CTNNA2: variants seen among roughly 807,000 people sequenced by gnomAD.
The protein encoded by CTNNA2 is catenin alpha-2.
A neutral mutation model predicts 101.0 loss-of-function variants in CTNNA2; 42 were observed. The observed-to-expected ratio is 0.42, with a 90% CI of 0.32 to 0.54. CTNNA2 has a LOEUF of 0.54. Among genes scored for constraint, CTNNA2 ranks in the 20% least tolerant of loss-of-function variants. CTNNA2 has a pLI of 0.14. For missense variants in CTNNA2, 871 were observed against 1,223.1 expected, an observed-to-expected ratio of 0.71 and a Z score of 4.29; for synonymous variants, 450 against 456.4, an observed-to-expected ratio of 0.99 and a Z score of 0.18.
intron 9 of CTNNA2, among the ~76,000 whole-genome samples, chr2:80,527,845 C>T (rs1690171929): frequency 6.6e-6 from 1 of 152,302 alleles, no homozygotes; most frequent in South Asian, 2.1e-4. Flanking sequence ...GACAGTTCTC[C>T]ACCAGGGCTG....
chr2:79,845,515 C>T (rs753174135), intron 3 of CTNNA2, among the ~76,000 whole-genome samples: 21 of 152,136 alleles, frequency 1.4e-4, no homozygotes, highest in Admixed American at 3.9e-4. Context: ...TCCCAAATTT[C>T]CCTCACCCTT....
intron 9 of CTNNA2, among the ~76,000 whole-genome samples, chr2:80,538,900 T>G (rs1444301909): frequency 6.6e-6 from 1 of 152,232 alleles, no homozygotes; most frequent in Non-Finnish European, 1.5e-5. Context: ...TCTTATTTCC[T>G]TGAGCAGTGG....
At chr2:79,870,243 A>G (rs552664905) in intron 5 of CTNNA2, among the ~76,000 whole-genome samples, 43 of 152,286 alleles carry the variant, frequency 2.8e-4, no homozygotes, top group South Asian at 1.0e-3. Context: ...CAAATAAAAA[A>G]TATTAAACTG....
At chr2:80,212,465 A>G (rs1300748079) in intron 7 of CTNNA2, among the ~76,000 whole-genome samples, 1 of 152,144 alleles carries the variant, frequency 6.6e-6, no homozygotes, top group East Asian at 1.9e-4. Context: ...TTCTGCATCT[A>G]TTGAGATAAT....
intron 7 of CTNNA2, among the ~76,000 whole-genome samples, chr2:79,989,444 G>GGCTAAC (rs1692009549): frequency 6.6e-6 from 1 of 152,002 alleles, no homozygotes; most frequent in South Asian, 2.1e-4. Flanking sequence ...GCAACATGGT[G>GGCTAAC]AAAATCCCGT....
At chr2:79,736,344 C>T (rs185009783) in intron 2 of CTNNA2, among the ~76,000 whole-genome samples, 5 of 152,232 alleles carry the variant, frequency 3.3e-5, no homozygotes, top group Admixed American at 1.3e-4. Context: ...TCTATCATTG[C>T]TAAAGGAATA....
At chr2:79,797,670 A>AG (rs1310827304) in intron 3 of CTNNA2, among the ~76,000 whole-genome samples, 1 of 151,188 alleles carries the variant, frequency 6.6e-6, no homozygotes, top group African/African-American at 2.4e-5. Context: ...TAAAAAAAAA[A>AG]AAAAAAAAAT....
intron 9 of CTNNA2, among the ~76,000 whole-genome samples, chr2:80,447,026 G>A (rs536410099): frequency 6.6e-6 from 1 of 152,170 alleles, no homozygotes; most frequent in South Asian, 2.1e-4. Flanking sequence ...TGAGAATTAT[G>A]ACCACCATGA....
At chr2:79,503,128 A>G (rs1671339115) in intron 4 of CTNNA2, among the ~76,000 whole-genome samples, 1 of 152,086 alleles carries the variant, frequency 6.6e-6, no homozygotes, top group Admixed American at 6.5e-5. Context: ...TATTTTGGGT[A>G]TTTCATCTGC....
chr2:79,727,708 C>T (rs1174181662), intron 2 of CTNNA2, among the ~76,000 whole-genome samples: 1 of 145,582 alleles, frequency 6.9e-6, no homozygotes, highest in Non-Finnish European at 1.5e-5. Context: ...GGTATATCTC[C>T]TAAAGCTATC....
At chr2:79,312,385 T>C (rs1488290156) in intron 2 of CTNNA2, among the ~76,000 whole-genome samples, 1 of 152,222 alleles carries the variant, frequency 6.6e-6, no homozygotes, top group African/African-American at 2.4e-5. Context: ...TAAAATCTTC[T>C]TCTTGACCCT....
At chr2:79,975,497 G>C (rs978368342) in intron 7 of CTNNA2, among the ~76,000 whole-genome samples, 4 of 152,032 alleles carry the variant, frequency 2.6e-5, no homozygotes, top group Admixed American at 2.0e-4. Context: ...TAGAGGTAGT[G>C]TCAGATCCTA....
intron 3 of CTNNA2, among the ~76,000 whole-genome samples, chr2:79,341,382 T>C (rs565192488): frequency 1.3e-5 from 2 of 152,318 alleles, no homozygotes; most frequent in East Asian, 3.9e-4. Flanking sequence ...ATAGGACCAG[T>C]CTCTGAACTT....
chr2:79,222,685 C>T, intron 2 of CTNNA2, among the ~76,000 whole-genome samples: 1 of 150,134 alleles, frequency 6.7e-6, no homozygotes, highest in East Asian at 1.9e-4. Context: ...TTCCTTTATT[C>T]TCTCTCTCTC....
intron 4 of CTNNA2, among the ~76,000 whole-genome samples, chr2:79,493,360 G>C (rs927860142): frequency 1.3e-5 from 2 of 152,194 alleles, no homozygotes; most frequent in Admixed American, 6.5e-5. Flanking sequence ...GACTGTGCCT[G>C]TAATCCCAGC....
intron 2 of CTNNA2, among the ~76,000 whole-genome samples, chr2:79,264,889 T>C (rs1481384535): frequency 6.6e-6 from 1 of 152,166 alleles, no homozygotes; most frequent in African/African-American, 2.4e-5. Context: ...CTAATAGCTT[T>C]ACATTCGAGA....
intron 1 of CTNNA2, among the ~76,000 whole-genome samples, chr2:79,561,821 T>A (rs1573350215): frequency 6.6e-6 from 1 of 152,094 alleles, no homozygotes; most frequent in South Asian, 2.1e-4. Flanking sequence ...CTTTTTATTA[T>A]TGAGTTATAA....
chr2:79,411,312 CTGATT>C (rs964156887), intron 4 of CTNNA2, among the ~76,000 whole-genome samples: 4 of 151,858 alleles, frequency 2.6e-5, no homozygotes, highest in African/African-American at 9.7e-5. Context: ...CAGTTCTGCT[CTGATT>C]TTAGTTATTT....
intron 7 of CTNNA2, among the ~76,000 whole-genome samples, chr2:80,211,431 A>G (rs1221622753): frequency 6.6e-6 from 1 of 152,194 alleles, no homozygotes; most frequent in African/African-American, 2.4e-5. Flanking sequence ...AGCTTTCTAC[A>G]TGTGGCTAGC....
Sources: gnomAD v4.1 joint callset for allele counts (sites outside exome capture counted in the v4.1 genomes callset) on GRCh38, gnomAD v4.1.1 for gene constraint, MANE v1.5 for transcripts, NCBI Gene and HGNC (gene_info 2026-07-23, HGNC 2026-07-21) for gene names.